The following CPNE8 variants were observed in gnomAD, a reference collection of about 807,000 sequenced individuals.
CPNE8 encodes the protein copine-8.
CPNE8 carries 45 observed loss-of-function variants against 81.5 expected under a neutral mutation model. That is an observed-to-expected ratio of 0.55 (90% CI 0.44 to 0.71). The LOEUF is 0.71. Among genes scored for constraint, CPNE8 ranks in the 30% least tolerant of loss-of-function variants. The pLI is 0.00. For synonymous variants in CPNE8, 252 were observed against 226.3 expected (o/e 1.11, Z -1.02); for missense variants, 594 against 672.1 (o/e 0.88, Z 1.28).
intron 6 of CPNE8, among the ~76,000 whole-genome samples, chr12:38,791,691 A>G (rs1477758825): frequency 6.6e-6 from 1 of 151,656 alleles, no homozygotes; most frequent in East Asian, 1.9e-4. Flanking sequence ...CAACCAGACA[A>G]AAGGTCAACA....
chr12:38,708,649 C>T (rs1428500081), intron 13 of CPNE8, among the ~76,000 whole-genome samples: 1 of 152,140 alleles, frequency 6.6e-6, no homozygotes, highest in Non-Finnish European at 1.5e-5. Flanking sequence ...AAAATATGAA[C>T]TTGGAAAATG....
chr12:38,778,335 C>T (rs1238508945), intron 6 of CPNE8, among the ~76,000 whole-genome samples: 3 of 152,258 alleles, frequency 2.0e-5, no homozygotes, highest in East Asian at 1.9e-4. Flanking sequence ...TGTCTCGGGA[C>T]ATATCACTGT....
At chr12:38,823,904 G>C (rs1943148406) in intron 6 of CPNE8, among the ~76,000 whole-genome samples, 1 of 152,068 alleles carries the variant, frequency 6.6e-6, no homozygotes, top group Admixed American at 6.6e-5. Flanking sequence ...CTGCTGAGTG[G>C]GTATAATGCT....
chr12:38,674,487 T>C (rs1939246369), intron 18 of CPNE8, among the ~76,000 whole-genome samples: 1 of 152,188 alleles, frequency 6.6e-6, no homozygotes, highest in African/African-American at 2.4e-5. Flanking sequence ...CACTAGTTAA[T>C]GCAGATTATC....
intron 1 of CPNE8, among the ~76,000 whole-genome samples, chr12:38,892,759 C>G (rs986841760): frequency 6.6e-6 from 1 of 152,042 alleles, no homozygotes; most frequent in African/African-American, 2.4e-5. Flanking sequence ...CTCTAGTTGC[C>G]AAAGAGACCT....
At chr12:38,783,922 G>C in intron 6 of CPNE8, among the ~76,000 whole-genome samples, 1 of 152,120 alleles carries the variant, frequency 6.6e-6, no homozygotes. Flanking sequence ...AGACAGTGAA[G>C]ACTAAAATAA....
At chr12:38,681,572 G>T (rs1316654922) in intron 16 of CPNE8, among the ~76,000 whole-genome samples, 3 of 152,066 alleles carry the variant, frequency 2.0e-5, no homozygotes, top group Admixed American at 1.3e-4. Context: ...AAAGATTATA[G>T]ATATGGTTAA....
At chr12:38,901,042 G>A (rs994422331) in intron 1 of CPNE8, among the ~76,000 whole-genome samples, 5 of 152,132 alleles carry the variant, frequency 3.3e-5, no homozygotes, top group Non-Finnish European at 7.3e-5. Flanking sequence ...CCAACATGGT[G>A]AAATCCCATC....
chr12:38,888,530 T>C (rs2137136612), intron 1 of CPNE8, among the ~76,000 whole-genome samples: 1 of 152,304 alleles, frequency 6.6e-6, no homozygotes, highest in East Asian at 1.9e-4. Flanking sequence ...AATAACAGAA[T>C]TTAAACAGAA....
intron 13 of CPNE8, among the ~76,000 whole-genome samples, chr12:38,718,376 G>GTCA (rs1399659811): frequency 2.0e-5 from 3 of 152,182 alleles, no homozygotes; most frequent in African/African-American, 2.4e-5. Flanking sequence ...GGAAGTGGGG[G>GTCA]AAGAAGCAGG....
intron 3 of CPNE8, among the ~76,000 whole-genome samples, chr12:38,857,910 A>T (rs2137074672): frequency 6.6e-6 from 1 of 152,310 alleles, no homozygotes; most frequent in Non-Finnish European, 1.5e-5. Flanking sequence ...ATAAATAAAT[A>T]AGAGGCTTAA....
chr12:38,891,083 C>A (rs1944308457), intron 1 of CPNE8, among the ~76,000 whole-genome samples: 1 of 151,882 alleles, frequency 6.6e-6, no homozygotes, highest in Admixed American at 6.6e-5. Flanking sequence ...GCACCCACCA[C>A]CATACCTGAC....
At chr12:38,808,227 A>G (rs1592110184) in intron 6 of CPNE8, among the ~76,000 whole-genome samples, 1 of 152,132 alleles carries the variant, frequency 6.6e-6, no homozygotes, top group South Asian at 2.1e-4. Context: ...TAGAAATATC[A>G]TTTGACCCAG....
At position 38,806,370 on chromosome 12, in the gene CPNE8, C is replaced by T. The variant is rs1360828910; in HGVS notation, c.407+23009G>A. ...AATCCTCAATAAAATACTGGCAAAC[C>T]GAATCCAGCAGCACATCAAAAAGCT... On this transcript the variant is annotated intron_variant, in intron 6 of 19. Transcript: ENST00000331366. Among the ~76,000 whole-genome samples the T allele has an allele frequency of 1.9e-4, 29 of 148,914 alleles. 2 individuals are homozygous for T. The highest frequency in any genetic ancestry group is 6.9e-4 in the East Asian group (3 of 4,374).
chr12:38,702,850 A>T, intron 14 of CPNE8, 25 bp downstream of exon 14: 1 of 1,409,512 alleles, frequency 7.1e-7, no homozygotes, highest in Non-Finnish European at 9.6e-7. Flanking sequence ...GATGATTTTT[A>T]TCAGGGGATA....
chr12:38,858,947 A>T (rs1943787846), intron 3 of CPNE8, among the ~76,000 whole-genome samples: 2 of 152,226 alleles, frequency 1.3e-5, no homozygotes, highest in East Asian at 3.8e-4. Context: ...TAAATACTTT[A>T]CCTGAACATG....
chr12:38,807,523 T>C (rs1424810216), intron 6 of CPNE8, among the ~76,000 whole-genome samples: 1 of 150,342 alleles, frequency 6.7e-6, no homozygotes, highest in African/African-American at 2.4e-5. Flanking sequence ...ATTTAATAAA[T>C]TGTGCTGGGA....
At chr12:38,775,960 C>A (rs1299274255) in intron 7 of CPNE8, among the ~76,000 whole-genome samples, 1 of 152,052 alleles carries the variant, frequency 6.6e-6, no homozygotes, top group Non-Finnish European at 1.5e-5. Flanking sequence ...ACTGACTATT[C>A]CTTATACTAA....
intron 3 of CPNE8, among the ~76,000 whole-genome samples, chr12:38,853,447 AATGTAC>A (rs1943679874): frequency 1.3e-5 from 2 of 152,150 alleles, no homozygotes; most frequent in African/African-American, 4.8e-5. Flanking sequence ...CCTCTGGCAC[AATGTAC>A]ATGTACAAAT....
Sources: gnomAD v4.1 joint callset for allele counts (sites outside exome capture counted in the v4.1 genomes callset) on GRCh38, gnomAD v4.1.1 for gene constraint, MANE v1.5 for transcripts, NCBI Gene and HGNC (gene_info 2026-07-23, HGNC 2026-07-21) for gene names.